The following GSE1 variants were observed in gnomAD, a reference collection of about 807,000 sequenced individuals.
GSE1 encodes genetic suppressor element 1.
Under a neutral mutation model 112.6 loss-of-function variants are expected in GSE1, and 32 were observed. The ratio of observed to expected loss-of-function variants is 0.28; its 90% confidence interval spans 0.21 to 0.38. GSE1 has a LOEUF of 0.38. GSE1 is among the 10% of genes least tolerant of loss of function. The pLI is 1.00. For missense variants in GSE1, 2,348 were observed against 1,699.2 expected, an observed-to-expected ratio of 1.38 and a Z score of -6.71; for synonymous variants, 1,115 against 735.6, an observed-to-expected ratio of 1.52 and a Z score of -8.35.
chr16:85,559,607 T>C (rs1281914437), intron 1 of GSE1, among the ~76,000 whole-genome samples: 2 of 152,102 alleles, frequency 1.3e-5, no homozygotes, highest in African/African-American at 4.8e-5. Context: ...GCTGCTCCTG[T>C]TTGACAGGTG....
At chr16:85,633,346 G>T (rs1170952468) in intron 1 of GSE1, among the ~76,000 whole-genome samples, 2 of 152,202 alleles carry the variant, frequency 1.3e-5, no homozygotes, top group African/African-American at 2.4e-5. Flanking sequence ...CGTGGACTGG[G>T]CCGAGTTGGG....
intron 2 of GSE1, among the ~76,000 whole-genome samples, chr16:85,526,387 G>A (rs970438535): frequency 1.3e-5 from 2 of 152,248 alleles, no homozygotes; most frequent in African/African-American, 2.4e-5. Flanking sequence ...AGTAGAGTGC[G>A]TGCCCCACTG....
chr16:85,632,392 C>G (rs1292170207), intron 1 of GSE1, among the ~76,000 whole-genome samples: 1 of 152,200 alleles, frequency 6.6e-6, no homozygotes, highest in East Asian at 1.9e-4. Flanking sequence ...CAGCCCTTCC[C>G]TCAGTGCCCC....
chr16:85,191,745 C>T (rs1046429574), intron 1 of GSE1, among the ~76,000 whole-genome samples: 4 of 152,158 alleles, frequency 2.6e-5, no homozygotes, highest in African/African-American at 9.7e-5. Context: ...TCCCTCACCT[C>T]GAGAGTAAAC....
intron 2 of GSE1, among the ~76,000 whole-genome samples, chr16:85,420,654 G>A (rs190201826): frequency 7.5e-4 from 114 of 152,232 alleles, no homozygotes; most frequent in African/African-American, 2.6e-3. Flanking sequence ...TCGGCCCACC[G>A]GGCATGCTGG....
At chr16:85,484,526 C>G (rs1450284875) in intron 2 of GSE1, among the ~76,000 whole-genome samples, 2 of 152,216 alleles carry the variant, frequency 1.3e-5, no homozygotes, top group Admixed American at 1.3e-4. Context: ...AGTGACGAAG[C>G]CAGGGAGACG....
intron 9 of GSE1, chr16:85,662,750 A>C (rs1487294378): frequency 3.8e-6 from 2 of 530,794 alleles, no homozygotes; most frequent in East Asian, 6.3e-5. Context: ...GGGACCACCC[A>C]GCTACTGGGA....
intron 1 of GSE1, among the ~76,000 whole-genome samples, chr16:85,240,525 C>T (rs1322965961): frequency 6.6e-6 from 1 of 152,244 alleles, no homozygotes; most frequent in Non-Finnish European, 1.5e-5. Flanking sequence ...CCCAGGAGTC[C>T]TGGCAGGGGC....
At chr16:85,197,855 C>T (rs1262990463) in intron 1 of GSE1, among the ~76,000 whole-genome samples, 1 of 152,190 alleles carries the variant, frequency 6.6e-6, no homozygotes, top group Non-Finnish European at 1.5e-5. Flanking sequence ...GGTAGCACCG[C>T]CAGCCCAGGG....
At chr16:85,366,317 C>A (rs984690140) in intron 2 of GSE1, among the ~76,000 whole-genome samples, 10 of 152,258 alleles carry the variant, frequency 6.6e-5, no homozygotes, top group Non-Finnish European at 1.5e-5. Context: ...CAAGAGCCCC[C>A]CTTCCCTGGC....
chr16:85,471,134 C>T (rs2050281332), intron 2 of GSE1, among the ~76,000 whole-genome samples: 1 of 152,028 alleles, frequency 6.6e-6, no homozygotes, highest in Non-Finnish European at 1.5e-5. Context: ...CTCCCCCATT[C>T]GCCCTGGGTG....
Position 85,619,158 on chromosome 16 carries a change from G to A in GSE1, c.7+5760G>A, listed in dbSNP as rs199521915. ...GGAGGTTCTTTTTAGGAGCCTCAACGTCCCCTCGGGCTCACATGCACACCA... is the reference window on the plus strand; with the variant it reads ...GGAGGTTCTTTTTAGGAGCCTCAACATCCCCTCGGGCTCACATGCACACCA... On this transcript the variant is annotated intron_variant, in intron 1 of 15. Transcript: ENST00000253458. Among the ~76,000 whole-genome samples, 14 of 152,242 alleles carry A rather than the reference G, an allele frequency of 9.2e-5. No individual in the cohort carries two copies. In the East Asian group the frequency reaches 2.7e-3, roughly 29 times the overall value.
intron 2 of GSE1, among the ~76,000 whole-genome samples, chr16:85,460,894 G>A (rs1309906131): frequency 6.6e-6 from 1 of 152,246 alleles, no homozygotes; most frequent in African/African-American, 2.4e-5. Context: ...AAATCAGGAC[G>A]TGAAGTCTGA....
At chr16:85,248,202 C>T (rs1906072912) in intron 1 of GSE1, among the ~76,000 whole-genome samples, 1 of 152,160 alleles carries the variant, frequency 6.6e-6, no homozygotes, top group Non-Finnish European at 1.5e-5. Flanking sequence ...TCCCTGTACC[C>T]CTCAGAGAGT....
intron 2 of GSE1, among the ~76,000 whole-genome samples, chr16:85,458,691 G>T (rs535298520): frequency 6.6e-6 from 1 of 152,296 alleles, no homozygotes; most frequent in Non-Finnish European, 1.5e-5. Flanking sequence ...AGATTCTCAG[G>T]CCCCGCCCCA....
chr16:85,667,561 CAA>C (rs1478354601), intron 13 of GSE1, among the ~76,000 whole-genome samples: 2 of 152,150 alleles, frequency 1.3e-5, no homozygotes, highest in South Asian at 4.1e-4. Context: ...AGACCAAGCT[CAA>C]AGAGATGGAG....
At chr16:85,369,030 G>A (rs1178219160) in intron 2 of GSE1, among the ~76,000 whole-genome samples, 1 of 152,194 alleles carries the variant, frequency 6.6e-6, no homozygotes, top group African/African-American at 2.4e-5. Flanking sequence ...CCGTGGACTT[G>A]GTGGCTTAAA....
At chr16:85,561,015 C>G (rs2045493289) in intron 1 of GSE1, among the ~76,000 whole-genome samples, 1 of 151,878 alleles carries the variant, frequency 6.6e-6, no homozygotes, top group African/African-American at 2.4e-5. Flanking sequence ...GCCTGTAGAC[C>G]CAGCTACTCA....
At chr16:85,671,439 C>CAAAAAAAAAAAAAAAAAAAAA (rs1159665909) in intron 15 of GSE1, among the ~76,000 whole-genome samples, 1 of 61,308 alleles carries the variant, frequency 1.6e-5, no homozygotes, top group African/African-American at 6.7e-5. Context: ...GACTCCGTCT[C>CAAAAAAAAAAAAAAAAAAAAA]AAAAAAAAAA....
Sources: allele counts gnomAD v4.1 joint callset (sites outside exome capture counted in the v4.1 genomes callset), GRCh38; gene constraint gnomAD v4.1.1; transcripts MANE v1.5; gene names NCBI Gene and HGNC (gene_info 2026-07-23, HGNC 2026-07-21).